Variants in TANC2 observed in about 807,000 individuals in gnomAD.
TANC2 encodes the protein tetratricopeptide repeat, ankyrin repeat and coiled-coil containing 2, also known as protein TANC2.
In TANC2, 26 loss-of-function variants were observed where a neutral mutation model predicts 210.5. That is an observed-to-expected ratio of 0.12 (90% CI 0.09 to 0.17). The LOEUF (loss-of-function observed/expected upper bound fraction) is 0.17. TANC2 is among the 10% of genes least tolerant of loss of function. The probability of loss-of-function intolerance (pLI) is 1.00; values close to 1 mark genes in which losing one functional copy is unlikely to be tolerated. For missense variants in TANC2, 2,129 were observed against 2,608.9 expected (o/e 0.82, Z 4.01); for synonymous variants, 931 against 967.1 (o/e 0.96, Z 0.69).
rs372102144 is a variant in TANC2, at chr17:63,420,559, A to G, written c.4829A>G (p.Lys1610Arg). Residue 1610 changes from lysine to arginine, a missense_variant, in exon 28 of 28, where the codon AAA becomes AGA. Lys to Arg is a conservative substitution (Grantham distance 26). This residue lies in a region of TANC2 where 584 missense variants were observed against 627.3 expected (regional missense o/e 0.93). Coordinates refer to ENST00000689528, the Ensembl canonical transcript of TANC2. The surrounding 1 kb of genome is among the most constrained non-coding windows in gnomAD (Gnocchi z 4.2). ...CCCCCTCCTGTGGGAGGACAGGGCA[A>G]AGAATACCCAAGCCCTCCCCCTTCC... 6.2e-7 allele frequency: 1 copy of G among 1,613,782 alleles called. No individual in the cohort carries two copies. The highest frequency in any genetic ancestry group is 1.3e-5 in the African/African-American group (1 of 74,906).
chr17:63,274,793 G>T (rs556644411), intron 9 of TANC2, among the ~76,000 whole-genome samples: 5 of 152,208 alleles, frequency 3.3e-5, no homozygotes, highest in Admixed American at 6.5e-5. Flanking sequence ...ACTCCAGCCT[G>T]GGCAACAGTC....
Position 62,990,029 on chromosome 17 carries a change from G to A in TANC2, c.-23-19508G>A, listed in dbSNP as rs183916690. Among the ~76,000 whole-genome samples the A allele has an allele frequency of 1.3e-3, 195 of 151,992 alleles. 1 individual carries two copies. The highest frequency in any genetic ancestry group is 3.7e-3 in the African/African-American group (155 of 41,460). Reference sequence around the variant, plus strand: ...CCTGACCTCGTGATCCGCCTGTCTCGGCCTCCCAAAGTGCTGGGATTACAG... The same window carrying A: ...CCTGACCTCGTGATCCGCCTGTCTCAGCCTCCCAAAGTGCTGGGATTACAG... On this transcript the variant is annotated intron_variant, in intron 1 of 27. Transcript: ENST00000689528.
At chr17:63,235,603 G>A (rs556832017) in intron 7 of TANC2, among the ~76,000 whole-genome samples, 3 of 151,966 alleles carry the variant, frequency 2.0e-5, no homozygotes, top group Non-Finnish European at 4.4e-5. Context: ...CTTTCTTAGA[G>A]AGAAATTTAG....
intron 3 of TANC2, among the ~76,000 whole-genome samples, chr17:63,096,959 G>A (rs1473040154): frequency 6.6e-6 from 1 of 151,406 alleles, no homozygotes; most frequent in Non-Finnish European, 1.5e-5. Flanking sequence ...TTTCTGTAAT[G>A]ATTGTTGAGC....
chr17:63,048,471 A>G (rs191663991), intron 2 of TANC2, among the ~76,000 whole-genome samples: 5 of 152,182 alleles, frequency 3.3e-5, no homozygotes, highest in Admixed American at 2.0e-4. Context: ...TCTTGATTTG[A>G]TTTTTGTATA....
At chr17:63,340,652 G>A (rs2046199013) in intron 12 of TANC2, among the ~76,000 whole-genome samples, 1 of 152,050 alleles carries the variant, frequency 6.6e-6, no homozygotes, top group African/African-American at 2.4e-5. Context: ...TGGCTCCAAC[G>A]CAGTGTTGTG....
intron 2 of TANC2, among the ~76,000 whole-genome samples, chr17:63,012,209 T>G (rs1186895806): frequency 6.6e-6 from 1 of 151,844 alleles, no homozygotes; most frequent in Non-Finnish European, 1.5e-5. Context: ...TTTGTAGAGA[T>G]GAGATCTCAG....
At chr17:62,970,067 A>T (rs969449899) in intron 1 of TANC2, among the ~76,000 whole-genome samples, 1 of 152,222 alleles carries the variant, frequency 6.6e-6, no homozygotes, top group Non-Finnish European at 1.5e-5. Flanking sequence ...CAGTTTAAGA[A>T]ATGGAACATC....
At chr17:63,042,801 T>C (rs567585506) in intron 2 of TANC2, among the ~76,000 whole-genome samples, 11 of 152,142 alleles carry the variant, frequency 7.2e-5, no homozygotes, top group African/African-American at 2.6e-4. Flanking sequence ...CAGTGAAGAA[T>C]TTGTTACATT....
At chr17:63,400,771 G>A (rs2048319243) in intron 19 of TANC2, among the ~76,000 whole-genome samples, 1 of 151,108 alleles carries the variant, frequency 6.6e-6, no homozygotes, top group Admixed American at 6.6e-5. Flanking sequence ...AGCCTCCCGA[G>A]TAGCTGGGAT....
chr17:63,098,507 CTCTG>C (rs1410507107), intron 3 of TANC2, among the ~76,000 whole-genome samples: 28 of 86,280 alleles, frequency 3.2e-4, no homozygotes, highest in African/African-American at 1.2e-3. Flanking sequence ...CTCTCTCTCT[CTCTG>C]TGTGTATATA....
chr17:63,426,686 ACT>A (rs557169288), exon 28 of TANC2: 33 of 152,226 alleles, frequency 2.2e-4, no homozygotes, highest in African/African-American at 7.7e-4. Flanking sequence ...CCTCCTGCTG[ACT>A]CTGATACCGA....
At chr17:63,028,468 T>C (rs891819129) in intron 2 of TANC2, among the ~76,000 whole-genome samples, 5 of 152,080 alleles carry the variant, frequency 3.3e-5, no homozygotes, top group Non-Finnish European at 7.4e-5. Context: ...TGTAAAAACA[T>C]AAAAAGACAC....
At position 63,011,649 on chromosome 17, in the gene TANC2, C is replaced by T. The variant is rs183494175; in HGVS notation, c.67+2023C>T. 2.6e-5 allele frequency among the ~76,000 whole-genome samples: 4 copies of T among 152,136 alleles called. No homozygotes were observed. The East Asian group carries it at 7.7e-4, about 29-fold the overall frequency. On this transcript the variant is annotated intron_variant, in intron 2 of 27. Transcript: ENST00000689528. Reference sequence around the variant, plus strand: ...TTGTTACATGTTCCTGGTGAATTGACCTTTTTAAAACCACTATGAAATGCC... The same window carrying T: ...TTGTTACATGTTCCTGGTGAATTGATCTTTTTAAAACCACTATGAAATGCC...
At chr17:63,350,528 G>A (rs904573054) in intron 12 of TANC2, among the ~76,000 whole-genome samples, 2 of 152,138 alleles carry the variant, frequency 1.3e-5, no homozygotes, top group African/African-American at 2.4e-5. Context: ...TGTCAATGCC[G>A]GATCATGTGG....
chr17:63,053,904 C>G (rs1215217787), intron 2 of TANC2, among the ~76,000 whole-genome samples: 1 of 152,164 alleles, frequency 6.6e-6, no homozygotes, highest in Non-Finnish European at 1.5e-5. Context: ...TTCTCACTAC[C>G]TCCACTAACC....
At chr17:63,253,163 T>C (rs541444738) in intron 8 of TANC2, among the ~76,000 whole-genome samples, 151 of 152,332 alleles carry the variant, frequency 9.9e-4, no homozygotes, top group African/African-American at 3.5e-3. Context: ...TTTGATAATA[T>C]CTCGCTGAAG....
At chr17:63,032,910 ACTT>A (rs764813609) in intron 2 of TANC2, among the ~76,000 whole-genome samples, 1 of 152,120 alleles carries the variant, frequency 6.6e-6, no homozygotes, top group Non-Finnish European at 1.5e-5. Context: ...AGACCCTTGT[ACTT>A]CTTCTGACCT....
chr17:63,406,871 TGATGA>T (rs2048526111), intron 21 of TANC2, among the ~76,000 whole-genome samples: 1 of 152,220 alleles, frequency 6.6e-6, no homozygotes, highest in African/African-American at 2.4e-5. Flanking sequence ...CAGTGGCTGC[TGATGA>T]TGGACCTCTG....
Sources: gnomAD v4.1 joint callset for allele counts (sites outside exome capture counted in the v4.1 genomes callset) on GRCh38, gnomAD v4.1.1 for gene constraint, gnomAD v4.1.1 regional missense constraint, Gnocchi (gnomAD v3.1) non-coding constraint, MANE v1.5 for transcripts, NCBI Gene and HGNC (gene_info 2026-07-23, HGNC 2026-07-21) for gene names.